The following STAU2 variants were observed in gnomAD, a reference collection of about 807,000 sequenced individuals.
STAU2 encodes double-stranded RNA-binding protein Staufen homolog 2.
In STAU2, 20 loss-of-function variants were observed where a neutral mutation model predicts 65.9. That is an observed-to-expected ratio of 0.30 (90% CI 0.21 to 0.44). The LOEUF is 0.44. STAU2 is among the 20% of genes least tolerant of loss of function. The pLI, the probability that STAU2 is intolerant of heterozygous loss-of-function variation, is 1.00. For missense variants in STAU2, 558 were observed against 683.9 expected (o/e 0.82, Z 2.05); for synonymous variants, 232 against 233.9 (o/e 0.99, Z 0.07).
chr8:73,556,325 C>T (rs922798652), intron 12 of STAU2, among the ~76,000 whole-genome samples: 1 of 152,064 alleles, frequency 6.6e-6, no homozygotes, highest in Admixed American at 6.5e-5. Flanking sequence ...AAGTTAGAAG[C>T]GGAATTGCTA....
intron 12 of STAU2, among the ~76,000 whole-genome samples, chr8:73,572,060 A>C (rs1372980404): frequency 6.6e-6 from 1 of 152,218 alleles, no homozygotes; most frequent in Non-Finnish European, 1.5e-5. Context: ...AAAAATGATA[A>C]AGGGGATATC....
intron 13 of STAU2, among the ~76,000 whole-genome samples, chr8:73,495,678 T>TATATATATATATATATATACAC (rs1387768770): frequency 6.1e-5 from 9 of 147,704 alleles, no homozygotes; most frequent in African/African-American, 2.2e-4. Flanking sequence ...TATATATATA[T>TATATATATATATATATATACAC]ATATATATAT....
At chr8:73,544,995 C>T (rs773336918) in intron 13 of STAU2, among the ~76,000 whole-genome samples, 1 of 152,142 alleles carries the variant, frequency 6.6e-6, no homozygotes, top group Non-Finnish European at 1.5e-5. Flanking sequence ...CATTTGTAGG[C>T]CTTTAATGAG....
intron 4 of STAU2, among the ~76,000 whole-genome samples, chr8:73,704,661 T>A (rs1190176448): frequency 6.6e-6 from 1 of 152,174 alleles, no homozygotes; most frequent in East Asian, 1.9e-4. Context: ...CATAATAAAT[T>A]AAAAGTAAGA....
intron 3 of STAU2, among the ~76,000 whole-genome samples, chr8:73,715,946 ACT>A (rs1206774013): frequency 1.3e-5 from 2 of 151,778 alleles, no homozygotes; most frequent in African/African-American, 4.8e-5. Context: ...ACGGAGTCTC[ACT>A]CTGTCACCCA....
At chr8:73,744,932 C>T (rs552969720) in intron 1 of STAU2, among the ~76,000 whole-genome samples, 1 of 152,178 alleles carries the variant, frequency 6.6e-6, no homozygotes, top group Non-Finnish European at 1.5e-5. Flanking sequence ...AAAAATTACA[C>T]AGCATTTTAT....
intron 6 of STAU2, among the ~76,000 whole-genome samples, chr8:73,644,446 TAAAA>T (rs11330650): frequency 7.3e-6 from 1 of 136,444 alleles, no homozygotes; most frequent in African/African-American, 2.7e-5. Flanking sequence ...TCCTGTCTCT[TAAAA>T]AAAAAAAAAT....
intron 4 of STAU2, among the ~76,000 whole-genome samples, chr8:73,695,000 C>T (rs1165500217): frequency 1.3e-5 from 2 of 152,140 alleles, no homozygotes; most frequent in South Asian, 2.1e-4. Flanking sequence ...TGAAGTGCTC[C>T]GGGGTCCTAG....
At chr8:73,589,550 A>G (rs1435665098) in intron 11 of STAU2, among the ~76,000 whole-genome samples, 1 of 152,216 alleles carries the variant, frequency 6.6e-6, no homozygotes, top group African/African-American at 2.4e-5. Flanking sequence ...AAACATAAGG[A>G]AATCCTAAAC....
chr8:73,576,609 G>C (rs189575245), intron 12 of STAU2, among the ~76,000 whole-genome samples: 1 of 152,220 alleles, frequency 6.6e-6, no homozygotes, highest in Non-Finnish European at 1.5e-5. Flanking sequence ...TTCTTAAATT[G>C]GGCGGTGGGT....
intron 12 of STAU2, among the ~76,000 whole-genome samples, chr8:73,571,082 C>T (rs564661461): frequency 8.5e-5 from 13 of 152,240 alleles, no homozygotes; most frequent in African/African-American, 3.1e-4. Flanking sequence ...CAAAAAAAAG[C>T]AGGGGTTGCA....
rs1421448471 is a variant in STAU2 at position 73,510,456 on chromosome 8, CACTA to C, written c.1530+41552_1530+41555del. ...CAAATAGTACAATTCAGATGTAACA[CACTA>C]ACTATAAACTATGTATTTTTACAAG... is the stretch of plus-strand genomic sequence containing the variant. On this transcript the variant is annotated intron_variant, in intron 13 of 14. Transcript: ENST00000524300. Among the ~76,000 whole-genome samples the C allele has an allele frequency of 5.3e-5, 8 of 152,164 alleles. No homozygotes were observed. The East Asian group carries it at 7.7e-4, about 15-fold the overall frequency.
At chr8:73,722,711 A>C (rs1325530035) in intron 3 of STAU2, among the ~76,000 whole-genome samples, 1 of 152,110 alleles carries the variant, frequency 6.6e-6, no homozygotes, top group Non-Finnish European at 1.5e-5. Context: ...ATTTGCTTTC[A>C]ACAATTTGAT....
At chr8:73,538,223 C>T (rs1806309836) in intron 13 of STAU2, among the ~76,000 whole-genome samples, 1 of 152,064 alleles carries the variant, frequency 6.6e-6, no homozygotes, top group African/African-American at 2.4e-5. Context: ...AGTTTTATAT[C>T]ATTTTAAATT....
At chr8:73,512,651 G>A (rs910642550) in intron 13 of STAU2, among the ~76,000 whole-genome samples, 1 of 151,792 alleles carries the variant, frequency 6.6e-6, no homozygotes, top group Non-Finnish European at 1.5e-5. Flanking sequence ...GTGTGTGTGT[G>A]TATGTGTGTG....
At chr8:73,507,912 A>G (rs990942926) in intron 13 of STAU2, among the ~76,000 whole-genome samples, 5 of 152,136 alleles carry the variant, frequency 3.3e-5, no homozygotes, top group African/African-American at 1.2e-4. Context: ...AACTGCTGCT[A>G]GCTTCTTTCT....
intron 10 of STAU2, among the ~76,000 whole-genome samples, chr8:73,598,983 C>A (rs939588437): frequency 1.3e-5 from 2 of 152,136 alleles, no homozygotes; most frequent in African/African-American, 4.8e-5. Flanking sequence ...TTAAGAAAAA[C>A]CTCATAAACA....
At position 73,568,606 on chromosome 8, in the gene STAU2, CT is replaced by C. The variant is rs1307117770; in HGVS notation, c.1222+14163del. Among the ~76,000 whole-genome samples the C allele has an allele frequency of 1.8e-4, 10 of 54,070 alleles. No homozygotes were observed. The East Asian group carries it at 2.5e-3, about 14-fold the overall frequency. The allele number at this position is 54,070 out of a possible 152,430, so 35.5% of individuals were successfully genotyped here. A position where few individuals can be genotyped will look rare whatever the true frequency, so the allele number is the denominator to read the frequency against. ...TTTTGCTAACAGAGTGAGACCCTATCTCAAAAAAAAAAAGACAACGATTAAA... is the reference window on the plus strand; with the variant it reads ...TTTTGCTAACAGAGTGAGACCCTATCCAAAAAAAAAAAGACAACGATTAAA... On this transcript the variant is annotated intron_variant, in intron 12 of 14. Transcript: ENST00000524300.
At chr8:73,572,837 C>T (rs1001326602) in intron 12 of STAU2, among the ~76,000 whole-genome samples, 1 of 152,128 alleles carries the variant, frequency 6.6e-6, no homozygotes, top group Non-Finnish European at 1.5e-5. Context: ...AAAACTGGCT[C>T]AAGACAGGGA....
Sources: allele counts gnomAD v4.1 joint callset (sites outside exome capture counted in the v4.1 genomes callset), GRCh38; gene constraint gnomAD v4.1.1; transcripts MANE v1.5; gene names NCBI Gene and HGNC (gene_info 2026-07-23, HGNC 2026-07-21).